SHROOM2: variants seen among roughly 807,000 people sequenced by gnomAD.
SHROOM2 encodes the protein shroom family member 2.
Under a neutral mutation model 75.9 loss-of-function variants are expected in SHROOM2, and 33 were observed. That is an observed-to-expected ratio of 0.43 (90% confidence interval 0.33 to 0.58). SHROOM2 has a LOEUF of 0.58. Among genes scored for constraint, SHROOM2 ranks in the 20% least tolerant of loss-of-function variants. SHROOM2 has a pLI of 0.04. For synonymous variants in SHROOM2, 655 were observed against 663.6 expected, an observed-to-expected ratio of 0.99 and a Z score of 0.20; for missense variants, 1,434 against 1,461.2, an observed-to-expected ratio of 0.98 and a Z score of 0.30.
intron 1 of SHROOM2, among the ~76,000 whole-genome samples, chrX:9,864,877 G>A (rs1472904421): frequency 9.3e-6 from 1 of 107,026 alleles, no homozygotes; most frequent in African/African-American, 3.3e-5. Flanking sequence ...GCCAGGTGTG[G>A]TGACACATGC....
chrX:9,814,285 A>G (rs1316589453), intron 1 of SHROOM2, among the ~76,000 whole-genome samples: 1 of 111,709 alleles, frequency 9.0e-6, no homozygotes, highest in Non-Finnish European at 1.9e-5. Context: ...CCCCAGCTGC[A>G]ACATTAAAAG....
chrX:9,827,984 G>A lies in SHROOM2; in HGVS notation c.165+41274G>A, dbSNP rs190380321. Among the ~76,000 whole-genome samples, 654 of 112,168 alleles carry A rather than the reference G, an allele frequency of 5.8e-3. 3 individuals carry two copies. The highest frequency in any genetic ancestry group is 0.019 in the African/African-American group (592 of 30,904). On this transcript the variant is annotated intron_variant, in intron 1 of 9. Coordinates refer to ENST00000380913, the MANE Select transcript of SHROOM2 (RefSeq NM_001649.4). ...GAGGCTCAGGTCCTGCCCCAGTCCT[G>A]CCCTTTAAGGGCAGGGTTTCACACT...
chrX:9,809,717 G>A (rs2083781437), intron 1 of SHROOM2, among the ~76,000 whole-genome samples: 1 of 112,637 alleles, frequency 8.9e-6, no homozygotes, highest in Non-Finnish European at 1.9e-5. Context: ...TGCCCAGGCT[G>A]GAGTGCAGTG....
At chrX:9,935,110 G>A (rs1022506977) in intron 6 of SHROOM2, among the ~76,000 whole-genome samples, 1 of 110,706 alleles carries the variant, frequency 9.0e-6, no homozygotes, top group African/African-American at 3.3e-5. Flanking sequence ...AGGGAGATTT[G>A]TTTATGTTGT....
intron 2 of SHROOM2, among the ~76,000 whole-genome samples, chrX:9,890,630 G>A (rs1016929700): frequency 2.7e-5 from 3 of 113,028 alleles, no homozygotes; most frequent in African/African-American, 9.6e-5. Context: ...CGCACGCGCT[G>A]CTTGCGGTCC....
intron 2 of SHROOM2, among the ~76,000 whole-genome samples, chrX:9,889,534 C>T: frequency 9.0e-6 from 1 of 111,618 alleles, no homozygotes; most frequent in Non-Finnish European, 1.9e-5. Flanking sequence ...CAGCAGTGTT[C>T]CCCTGGAGGC....
At chrX:9,829,853 A>G (rs1229241401) in intron 1 of SHROOM2, among the ~76,000 whole-genome samples, 1 of 112,354 alleles carries the variant, frequency 8.9e-6, no homozygotes, top group Non-Finnish European at 1.9e-5. Flanking sequence ...GCATGCTTTC[A>G]GGATGAGAAA....
intron 1 of SHROOM2, among the ~76,000 whole-genome samples, chrX:9,802,185 G>A (rs1424926014): frequency 2.8e-5 from 3 of 107,934 alleles, no homozygotes; most frequent in Non-Finnish European, 5.7e-5. Flanking sequence ...TTCCCACCTC[G>A]GCCTCCTGAT....
At chrX:9,827,559 C>T (rs1033764939) in intron 1 of SHROOM2, among the ~76,000 whole-genome samples, 8 of 109,593 alleles carry the variant, frequency 7.3e-5, no homozygotes, top group Non-Finnish European at 1.5e-4. Context: ...CGAGGGAGCA[C>T]GTCAACCTTT....
At chrX:9,798,980 C>A (rs1015484590) in intron 1 of SHROOM2, among the ~76,000 whole-genome samples, 3 of 110,036 alleles carry the variant, frequency 2.7e-5, no homozygotes, top group Non-Finnish European at 5.7e-5. Context: ...GGGTTTGGGA[C>A]GGAGCCATTT....
intron 5 of SHROOM2, among the ~76,000 whole-genome samples, chrX:9,926,292 A>T (rs1172653288): frequency 8.9e-6 from 1 of 112,017 alleles, no homozygotes; most frequent in African/African-American, 3.2e-5. Context: ...CAGCTAGCAC[A>T]GCTCAAGCGT....
At chrX:9,806,459 T>A (rs764023548) in intron 1 of SHROOM2, among the ~76,000 whole-genome samples, 157 of 108,501 alleles carry the variant, frequency 1.4e-3, no homozygotes, top group Non-Finnish European at 2.6e-3. Flanking sequence ...TGATCTAGAT[T>A]GTGTGTATAT....
chrX:9,941,838 G>A (rs1410026161), intron 8 of SHROOM2, among the ~76,000 whole-genome samples: 6 of 108,568 alleles, frequency 5.5e-5, no homozygotes, highest in Non-Finnish European at 9.6e-5. Context: ...AGGCGTGGTG[G>A]CGGGCGCCTG....
intron 5 of SHROOM2, among the ~76,000 whole-genome samples, chrX:9,922,108 C>A (rs1298071367): frequency 8.9e-6 from 1 of 111,862 alleles, no homozygotes; most frequent in Non-Finnish European, 1.9e-5. Context: ...GGCTGGCATG[C>A]AGTGACATAG....
At chrX:9,786,759 C>T in intron 1 of SHROOM2, 49 bp downstream of exon 1, 1 of 839,484 alleles carries the variant, frequency 1.2e-6, no homozygotes, top group Non-Finnish European at 1.5e-6. Flanking sequence ...GCTGGCCGCC[C>T]TGCGGGGCGC....
At chrX:9,849,907 G>T (rs2084029123) in intron 1 of SHROOM2, among the ~76,000 whole-genome samples, 1 of 112,343 alleles carries the variant, frequency 8.9e-6, no homozygotes, top group Non-Finnish European at 1.9e-5. Flanking sequence ...GTATTTAAGA[G>T]AGTGCCTGTT....
In SHROOM2 at chrX:9,888,649, A is replaced by C. The variant is rs1262588880; in HGVS notation, c.318-2328A>C. On this transcript the variant is annotated intron_variant, in intron 2 of 9. Coordinates refer to ENST00000380913, the MANE Select transcript of SHROOM2 (RefSeq NM_001649.4). The stretch of plus-strand genomic sequence containing the variant: ...TGCTGAGATGGGGTCTTGCTATGCT[A>C]CCCAGGCTGATCTCAAACTCCTGGC... Among the ~76,000 whole-genome samples the C allele has an allele frequency of 1.2e-4, 13 of 110,843 alleles. No homozygotes were observed. The Admixed American group carries it at 1.3e-3, about 11-fold the overall frequency.
At chrX:9,904,246 A>G (rs1276714024) in intron 5 of SHROOM2, among the ~76,000 whole-genome samples, 2 of 111,854 alleles carry the variant, frequency 1.8e-5, no homozygotes, top group Non-Finnish European at 1.9e-5. Context: ...TGAGCAGGGC[A>G]CAGTGGCACG....
At chrX:9,848,510 C>CAAAAAAAA (rs774991614) in intron 1 of SHROOM2, among the ~76,000 whole-genome samples, 1,653 of 21,797 alleles carry the variant, frequency 0.076, 262 homozygotes, top group African/African-American at 0.14. Context: ...GACTCCGTCT[C>CAAAAAAAA]AAAAAAAAAA....
Sources: gnomAD v4.1 joint callset for allele counts (sites outside exome capture counted in the v4.1 genomes callset) on GRCh38, gnomAD v4.1.1 for gene constraint, MANE v1.5 for transcripts, NCBI Gene and HGNC (gene_info 2026-07-23, HGNC 2026-07-21) for gene names.